Variants in PCDH15 observed in about 807,000 individuals in gnomAD.
PCDH15 encodes the protein protocadherin-15.
Under a neutral mutation model 178.5 loss-of-function variants are expected in PCDH15, and 129 were observed. That is an observed-to-expected ratio of 0.72 (90% CI 0.63 to 0.84). The LOEUF is 0.84. PCDH15 is among the 40% of genes least tolerant of loss of function. The probability of loss-of-function intolerance (pLI) is 0.00; values close to 1 mark genes in which losing one functional copy is unlikely to be tolerated. For missense variants in PCDH15, 2,230 were observed against 2,099.9 expected (o/e 1.06, Z -1.21); for synonymous variants, 800 against 732.0 (o/e 1.09, Z -1.50).
intron 28 of PCDH15, among the ~76,000 whole-genome samples, chr10:53,850,090 C>A (rs1228533767): frequency 6.6e-6 from 1 of 151,828 alleles, no homozygotes; most frequent in Non-Finnish European, 1.5e-5. Flanking sequence ...AACTAAGAAT[C>A]CACGTAAAAT....
At chr10:55,265,398 A>C (rs1268346746) in intron 1 of PCDH15, among the ~76,000 whole-genome samples, 1 of 151,666 alleles carries the variant, frequency 6.6e-6, no homozygotes, top group African/African-American at 2.4e-5. Context: ...AATTTCACCC[A>C]AATATTTGAA....
At chr10:55,278,484 A>G (rs966734536) in intron 1 of PCDH15, among the ~76,000 whole-genome samples, 13 of 152,018 alleles carry the variant, frequency 8.6e-5, no homozygotes, top group Non-Finnish European at 1.8e-4. Context: ...CTCGGCCTCC[A>G]AAAGTGCTAG....
intron 2 of PCDH15, among the ~76,000 whole-genome samples, chr10:54,916,979 A>C (rs1168750609): frequency 6.6e-6 from 1 of 152,176 alleles, no homozygotes; most frequent in East Asian, 1.9e-4. Flanking sequence ...CATAATACAC[A>C]GAAAACAAGA....
At chr10:54,351,598 A>G (rs1565048548) in intron 5 of PCDH15, among the ~76,000 whole-genome samples, 1 of 152,234 alleles carries the variant, frequency 6.6e-6, no homozygotes, top group East Asian at 1.9e-4. Context: ...CAAGGCCTCT[A>G]TACTGGAATA....
chr10:53,991,893 T>C (rs926050698), intron 21 of PCDH15, among the ~76,000 whole-genome samples: 1 of 152,030 alleles, frequency 6.6e-6, no homozygotes, highest in African/African-American at 2.4e-5. Flanking sequence ...CCAATCAGCA[T>C]GATGTGGGTG....
chr10:53,824,916 T>G (rs2076576227), intron 32 of PCDH15, among the ~76,000 whole-genome samples: 1 of 152,064 alleles, frequency 6.6e-6, no homozygotes, highest in Non-Finnish European at 1.5e-5. Flanking sequence ...ATTTTGAAAT[T>G]CCTTTCAGTA....
At chr10:55,353,027 T>C (rs1452120674) in intron 2 of PCDH15, among the ~76,000 whole-genome samples, 2 of 152,146 alleles carry the variant, frequency 1.3e-5, no homozygotes, top group Non-Finnish European at 2.9e-5. Context: ...CGACTGCACA[T>C]TGCACAACCA....
chr10:54,930,806 T>C (rs1430056069), intron 2 of PCDH15, among the ~76,000 whole-genome samples: 2 of 152,190 alleles, frequency 1.3e-5, no homozygotes, highest in South Asian at 4.1e-4. Flanking sequence ...GGAATTCAGT[T>C]AATAGTTCTT....
intron 2 of PCDH15, among the ~76,000 whole-genome samples, chr10:55,452,389 A>C (rs988631038): frequency 2.6e-5 from 4 of 152,162 alleles, no homozygotes; most frequent in Admixed American, 2.6e-4. Flanking sequence ...GATACAGGCC[A>C]AGGTTAGAGT....
chr10:54,848,038 AATCATGAGGG>A (rs1953543958), intron 3 of PCDH15, among the ~76,000 whole-genome samples: 2 of 152,192 alleles, frequency 1.3e-5, no homozygotes, highest in Non-Finnish European at 2.9e-5. Flanking sequence ...GAGGTGACTG[AATCATGAGGG>A]ATCTGCCTAG....
intron 2 of PCDH15, among the ~76,000 whole-genome samples, chr10:55,382,163 G>A (rs1255960928): frequency 6.6e-6 from 1 of 152,114 alleles, no homozygotes; most frequent in African/African-American, 2.4e-5. Context: ...AAATTCATCT[G>A]ATAATTGTTA....
chr10:53,907,266 G>A (rs1405114686), intron 25 of PCDH15: 1 of 152,030 alleles, frequency 6.6e-6, no homozygotes. Flanking sequence ...ATCTCCTTGA[G>A]TACTTACAAA....
chr10:54,358,264 C>T (rs1171314403), intron 5 of PCDH15, among the ~76,000 whole-genome samples: 3 of 151,542 alleles, frequency 2.0e-5, no homozygotes, highest in Non-Finnish European at 2.9e-5. Flanking sequence ...GCAACCTACT[C>T]ATCTGACAAA....
chr10:54,890,156 G>T (rs1954433903), intron 3 of PCDH15, among the ~76,000 whole-genome samples: 1 of 151,840 alleles, frequency 6.6e-6, no homozygotes, highest in Non-Finnish European at 1.5e-5. Flanking sequence ...TGATATGATA[G>T]GTGACTATGA....
At chr10:55,197,735 C>CCAGG (rs1341977367) in intron 1 of PCDH15, among the ~76,000 whole-genome samples, 4 of 152,046 alleles carry the variant, frequency 2.6e-5, no homozygotes, top group Non-Finnish European at 5.9e-5. Context: ...CTGGTAAGTA[C>CCAGG]ATTATCTTCT....
At chr10:55,028,301 A>G (rs1261672841) in intron 2 of PCDH15, among the ~76,000 whole-genome samples, 1 of 151,908 alleles carries the variant, frequency 6.6e-6, no homozygotes, top group African/African-American at 2.4e-5. Context: ...TACTAGGGCA[A>G]TACTAAAGAA....
chr10:55,595,924 G>A (rs1002194513), intron 2 of PCDH15, among the ~76,000 whole-genome samples: 3 of 151,970 alleles, frequency 2.0e-5, no homozygotes, highest in East Asian at 1.9e-4. Flanking sequence ...ATTTAAGAAC[G>A]TCTAATAATA....
intron 8 of PCDH15, among the ~76,000 whole-genome samples, chr10:54,238,282 A>C (rs2054838099): frequency 6.6e-6 from 1 of 152,104 alleles, no homozygotes; most frequent in South Asian, 2.1e-4. Context: ...CAGTAGTTTC[A>C]GTTCTCAGCA....
chr10:54,713,214 C>CACACACACACAT (rs1177698639), intron 1 of PCDH15, among the ~76,000 whole-genome samples: 2 of 125,118 alleles, frequency 1.6e-5, no homozygotes, highest in South Asian at 2.4e-4. Context: ...TTAAAACACA[C>CACACACACACAT]ACACACACAC....
Sources: allele counts gnomAD v4.1 joint callset (sites outside exome capture counted in the v4.1 genomes callset), GRCh38; gene constraint gnomAD v4.1.1; transcripts MANE v1.5; gene names NCBI Gene and HGNC (gene_info 2026-07-23, HGNC 2026-07-21).